The following KLF3 variants were observed in gnomAD, a reference collection of about 807,000 sequenced individuals.
The protein encoded by KLF3 is KLF transcription factor 3.
In KLF3, 6 loss-of-function variants were observed where a neutral mutation model predicts 32.7. That is an observed-to-expected ratio of 0.18 (90% confidence interval 0.10 to 0.36). The LOEUF (loss-of-function observed/expected upper bound fraction) is 0.36. Ranked by LOEUF, KLF3 falls within the 10% of genes least tolerant of loss-of-function variation. The pLI is 1.00. For synonymous variants in KLF3, 145 were observed against 172.8 expected (o/e 0.84, Z 1.26); for missense variants, 338 against 449.7 (o/e 0.75, Z 2.25).
intron 4 of KLF3, among the ~76,000 whole-genome samples, chr4:38,693,654 G>A (rs988155251): frequency 2.6e-5 from 4 of 151,978 alleles, no homozygotes; most frequent in African/African-American, 9.7e-5. Context: ...CATTTTAGGA[G>A]CTATAGATTC....
In KLF3 at chr4:38,688,036, GC is replaced by G. The variant is rs1301012820; in HGVS notation, c.58-548del. ...CTGCCTATCCTGCAGCCCCATTCTT[GC>G]TTATTATACACAAGTATGATGAGAA... is the stretch of plus-strand genomic sequence containing the variant. On this transcript the variant is annotated intron_variant, in intron 2 of 5. Coordinates refer to ENST00000261438, the MANE Select transcript of KLF3 (RefSeq NM_016531.6). This position sits in a 1 kb window ranked among gnomAD's most constrained non-coding sequence, Gnocchi z 4.9. Among the ~76,000 whole-genome samples the G allele has an allele frequency of 2.1e-4, 32 of 152,244 alleles. No homozygotes were observed. The highest frequency in any genetic ancestry group is 3.4e-3 in the Middle Eastern group (1 of 294).
At position 38,697,476 on chromosome 4, in the gene KLF3, G is replaced by T; in HGVS notation, c.*213G>T. The T allele has an allele frequency of 4.9e-6, 2 of 411,508 alleles. No individual in the cohort carries two copies. The highest frequency in any genetic ancestry group is 8.5e-6 in the Non-Finnish European group (2 of 234,402). 25.5% of individuals were successfully genotyped at this position (411,508 alleles called of 1,614,324 possible). ...TTACCACGGGTCAGACCTAAAGAAT[G>T]TGAACACTTTTTTTTTTTTTTCTGG... On this transcript the variant is annotated 3_prime_UTR_variant, in exon 6 of 6. Transcript: ENST00000261438.
chr4:38,688,047 A>G lies in KLF3; in HGVS notation c.58-538A>G, dbSNP rs1052704314. ...GCAGCCCCATTCTTGCTTATTATAC[A>G]CAAGTATGATGAGAAATCAATGTCC... is the stretch of plus-strand genomic sequence containing the variant. On this transcript the variant is annotated intron_variant, in intron 2 of 5. Coordinates refer to ENST00000261438, the MANE Select transcript of KLF3 (RefSeq NM_016531.6). The surrounding 1 kb of genome is among the most constrained non-coding windows in gnomAD (Gnocchi z 4.9). Among the ~76,000 whole-genome samples, 1 of 152,186 alleles carries G rather than the reference A, an allele frequency of 6.6e-6. No homozygotes were observed. Among genetic ancestry groups the G allele is most frequent in the Non-Finnish European group, 1.5e-5 (1 of 68,040 alleles).
In KLF3 at chr4:38,700,272, A is replaced by G. The variant is rs1030856409; in HGVS notation, c.*3009A>G. 4.6e-5 allele frequency: 7 copies of G among 152,242 alleles called. No individual in the cohort carries two copies. The allele number at this position is 152,242 out of a possible 1,614,324, so 9.4% of individuals were successfully genotyped here. On this transcript the variant is annotated 3_prime_UTR_variant, in exon 6 of 6. Transcript: ENST00000261438. ...ACAGGGGAACTATATATGTATATGTATATTTTATTAAACACCCATCTGCAC... is the reference window on the plus strand; with the variant it reads ...ACAGGGGAACTATATATGTATATGTGTATTTTATTAAACACCCATCTGCAC...
intron 2 of KLF3, among the ~76,000 whole-genome samples, chr4:38,685,147 G>C (rs1722653155): frequency 6.6e-6 from 1 of 152,140 alleles, no homozygotes; most frequent in Non-Finnish European, 1.5e-5. Flanking sequence ...ACTGTTACCA[G>C]GTTGTACCTG....
chr4:38,672,662 TG>T (rs1464420489), intron 1 of KLF3, among the ~76,000 whole-genome samples: 1 of 152,010 alleles, frequency 6.6e-6, no homozygotes, highest in Non-Finnish European at 1.5e-5. Flanking sequence ...GTGCCAAGCA[TG>T]GGTGCCTGAG....
chr4:38,688,834 C>T lies in KLF3; in HGVS notation c.307C>T (p.Pro103Ser). The T allele has an allele frequency of 1.2e-6, 2 of 1,614,228 alleles. No homozygotes were observed. Among genetic ancestry groups the T allele is most frequent in the Non-Finnish European group, 1.7e-6 (2 of 1,180,036 alleles). Residue 103 changes from proline (P) to serine (S), a missense_variant, in exon 3 of 6, where the codon CCG becomes TCG. By Grantham distance (74) the Pro-to-Ser change is moderately conservative. This residue lies in a region of KLF3 where 272 missense variants were observed against 313.4 expected (regional missense o/e 0.87). Transcript: ENST00000261438. This position sits in a 1 kb window ranked among gnomAD's most constrained non-coding sequence, Gnocchi z 4.9. The stretch of plus-strand genomic sequence containing the variant: ...GTTGAGCATGCCTTCTTCCAGCCCA[C>T]CGATAAAAAAATACTCACCCCCTTC... ...PGLSMPSSSP[P>S]IKKYSPPSPG...
chr4:38,672,340 C>T (rs1282616586), intron 1 of KLF3, among the ~76,000 whole-genome samples: 2 of 152,138 alleles, frequency 1.3e-5, no homozygotes, highest in Admixed American at 1.3e-4. Flanking sequence ...CTGAGGCCTG[C>T]CTGTCTGTCC....
chr4:38,696,186 G>GA (rs57996051), intron 5 of KLF3, among the ~76,000 whole-genome samples: 14,376 of 99,034 alleles, frequency 0.15, 1,093 homozygotes, highest in Non-Finnish European at 0.18. Context: ...TTAGATGTAG[G>GA]AAAAAAAAAA....
intron 1 of KLF3, among the ~76,000 whole-genome samples, chr4:38,668,514 G>C (rs1722107411): frequency 6.6e-6 from 1 of 152,080 alleles, no homozygotes; most frequent in Non-Finnish European, 1.5e-5. Context: ...TATTAAGAGA[G>C]TTATTAGTAT....
chr4:38,687,526 G>T (rs1472101146), intron 2 of KLF3, among the ~76,000 whole-genome samples: 3 of 152,192 alleles, frequency 2.0e-5, no homozygotes, highest in African/African-American at 7.2e-5. Flanking sequence ...GAAGATAAAT[G>T]AGGTCAGTTG....
At chr4:38,689,126 A>G (rs1722797732) in intron 3 of KLF3, 55 bp downstream of exon 3, 1 of 1,591,614 alleles carries the variant, frequency 6.3e-7, no homozygotes, top group Middle Eastern at 1.7e-4. Context: ...CTGGCGCTTC[A>G]CCAGATGGGG....
intron 1 of KLF3, among the ~76,000 whole-genome samples, chr4:38,677,603 G>A (rs1199358749): frequency 1.3e-5 from 2 of 152,176 alleles, no homozygotes; most frequent in African/African-American, 4.8e-5. Flanking sequence ...TGCTGGCCTC[G>A]CTCAGAAGCT....
intron 1 of KLF3, among the ~76,000 whole-genome samples, chr4:38,665,230 G>A (rs189940143): frequency 1.2e-4 from 19 of 152,242 alleles, no homozygotes; most frequent in African/African-American, 4.1e-4. Flanking sequence ...AGAACCTGCC[G>A]CAGTGCCTGG....
intron 4 of KLF3, among the ~76,000 whole-genome samples, chr4:38,691,633 T>C (rs763682094): frequency 6.6e-5 from 10 of 152,260 alleles, no homozygotes; most frequent in Non-Finnish European, 1.2e-4. Context: ...ACTTTTATTT[T>C]AAGTAATATT....
intron 1 of KLF3, among the ~76,000 whole-genome samples, chr4:38,673,680 C>T (rs1722263784): frequency 6.6e-6 from 1 of 152,082 alleles, no homozygotes; most frequent in South Asian, 2.1e-4. Flanking sequence ...TGGGTGTCCC[C>T]GCCCCCAGCC....
chr4:38,670,170 A>G (rs1722160977), intron 1 of KLF3, among the ~76,000 whole-genome samples: 2 of 152,196 alleles, frequency 1.3e-5, no homozygotes, highest in South Asian at 4.1e-4. Flanking sequence ...AGAAGAGAGC[A>G]AGTTAAGTGG....
At chr4:38,672,121 C>T (rs1722214114) in intron 1 of KLF3, among the ~76,000 whole-genome samples, 1 of 152,198 alleles carries the variant, frequency 6.6e-6, no homozygotes, top group Non-Finnish European at 1.5e-5. Flanking sequence ...GTTTGGTTTA[C>T]TAGGTCTCCC....
At chr4:38,685,837 C>A (rs1271900219) in intron 2 of KLF3, among the ~76,000 whole-genome samples, 1 of 152,170 alleles carries the variant, frequency 6.6e-6, no homozygotes, top group Non-Finnish European at 1.5e-5. Context: ...CGAAATCATT[C>A]TCCTTCCTAT....
Sources: allele counts gnomAD v4.1 joint callset (sites outside exome capture counted in the v4.1 genomes callset), GRCh38; gene constraint gnomAD v4.1.1; regional missense constraint gnomAD v4.1.1; non-coding constraint Gnocchi (gnomAD v3.1); transcripts MANE v1.5; gene names NCBI Gene and HGNC (gene_info 2026-07-23, HGNC 2026-07-21).